Variants in INPP5D observed in about 807,000 individuals in gnomAD.
The protein encoded by INPP5D is inositol polyphosphate-5-phosphatase D, also known as phosphatidylinositol 3,4,5-trisphosphate 5-phosphatase 1.
Under a neutral mutation model 122.9 loss-of-function variants are expected in INPP5D, and 33 were observed. The ratio of observed to expected loss-of-function variants is 0.27; its 90% CI spans 0.20 to 0.36. The LOEUF is 0.36. Among genes scored for constraint, INPP5D ranks in the 10% least tolerant of loss-of-function variants. INPP5D has a pLI of 1.00. For synonymous variants in INPP5D, 584 were observed against 576.2 expected (o/e 1.01, Z -0.19); for missense variants, 1,053 against 1,412.7 (o/e 0.75, Z 4.08).
In INPP5D at chr2:233,100,355, T is replaced by C. The variant is rs1252682816; in HGVS notation, c.198+20957T>C. ...AAACAGGTTTAGTTGACTTGGTGTG[T>C]TCCCAGTGACCTCCTGCTGGTTCCC... is the stretch of plus-strand genomic sequence containing the variant. On this transcript the variant is annotated intron_variant, in intron 2 of 26. Transcript: ENST00000445964. The surrounding 1 kb of genome is among the most constrained non-coding windows in gnomAD (Gnocchi z 5.3). Among the ~76,000 whole-genome samples, 2 of 152,198 alleles carry C rather than the reference T, an allele frequency of 1.3e-5. No individual in the cohort carries two copies. The highest frequency in any genetic ancestry group is 4.8e-5 in the African/African-American group (2 of 41,450).
Position 233,098,296 on chromosome 2 carries a change from C to T in INPP5D, c.198+18898C>T, listed in dbSNP as rs545130266. On this transcript the variant is annotated intron_variant, in intron 2 of 26. Transcript: ENST00000445964. ...GGAGTGCTGGGAGATGGGCACTCACCGAATGGTGCCCAAATGGGACCAGCA... is the reference window on the plus strand; with the variant it reads ...GGAGTGCTGGGAGATGGGCACTCACTGAATGGTGCCCAAATGGGACCAGCA... Among the ~76,000 whole-genome samples the T allele has an allele frequency of 1.1e-3, 160 of 152,156 alleles. 1 individual carries two copies. The highest frequency in any genetic ancestry group is 8.4e-4 in the Non-Finnish European group (57 of 68,004).
Position 233,130,524 on chromosome 2 carries a change from C to G in INPP5D, c.541C>G (p.Leu181Val). 2 of 1,613,948 alleles carry G rather than the reference C, an allele frequency of 1.2e-6. No individual in the cohort carries two copies. Among genetic ancestry groups the G allele is most frequent in the Non-Finnish European group, 1.7e-6 (2 of 1,179,888 alleles). ...MDTSGLPEEH[L>V]KAIQDYLSTQ... ...TTTCTTTAGGCTTCCAGAAGAGCATCTTAAGGCCATCCAAGATTATTTAAG... is the reference window on the plus strand; with the variant it reads ...TTTCTTTAGGCTTCCAGAAGAGCATGTTAAGGCCATCCAAGATTATTTAAG... Residue 181 changes from leucine to valine, a missense_variant, in exon 5 of 27, where the codon CTT becomes GTT. Around this residue, in one of 6 missense-constraint regions of INPP5D, gnomAD observed 196 missense variants for 175.6 expected, o/e 1.12. Coordinates refer to ENST00000445964, the MANE Select transcript of INPP5D (RefSeq NM_001017915.3).
intron 2 of INPP5D, among the ~76,000 whole-genome samples, chr2:233,106,734 G>A (rs1692478276): frequency 6.6e-6 from 1 of 152,220 alleles, no homozygotes; most frequent in South Asian, 2.1e-4. Context: ...GCTGTCAGCT[G>A]TGACTCTAGT....
chr2:233,163,958 T>C, intron 12 of INPP5D, 55 bp downstream of exon 12: 1 of 1,587,366 alleles, frequency 6.3e-7, no homozygotes, highest in Non-Finnish European at 8.6e-7. Flanking sequence ...TTTGCTCGGC[T>C]GGGCTGTCTC....
chr2:233,077,970 G>A (rs1385977536), intron 1 of INPP5D, among the ~76,000 whole-genome samples: 1 of 152,128 alleles, frequency 6.6e-6, no homozygotes, highest in Non-Finnish European at 1.5e-5. Flanking sequence ...CTACACTGAG[G>A]CACTGGCTTC....
At position 233,128,705 on chromosome 2, in the gene INPP5D, T is replaced by A. The variant is rs1364406003; in HGVS notation, c.525-1803T>A. 6.6e-6 allele frequency among the ~76,000 whole-genome samples: 1 copy of A among 152,114 alleles called. No individual in the cohort carries two copies. The highest frequency in any genetic ancestry group is 2.4e-5 in the African/African-American group (1 of 41,420). On this transcript the variant is annotated intron_variant, in intron 4 of 26. Coordinates refer to ENST00000445964, the MANE Select transcript of INPP5D (RefSeq NM_001017915.3). The surrounding 1 kb of genome is among the most constrained non-coding windows in gnomAD (Gnocchi z 4.5). ...GTTGGCCAGGCTGGCCTTGAACTCCTGACCTCAGGTGATCTGCCCACCTCT... is the reference window on the plus strand; with the variant it reads ...GTTGGCCAGGCTGGCCTTGAACTCCAGACCTCAGGTGATCTGCCCACCTCT...
At chr2:233,089,762 T>G (rs1691943017) in intron 2 of INPP5D, among the ~76,000 whole-genome samples, 1 of 152,246 alleles carries the variant, frequency 6.6e-6, no homozygotes, top group Non-Finnish European at 1.5e-5. Flanking sequence ...ACAGCCACCC[T>G]CAAAGTCCCT....
rs1695531877 is a variant in INPP5D at position 233,207,165 on chromosome 2, A to G, written c.*457A>G. On this transcript the variant is annotated 3_prime_UTR_variant, in exon 27 of 27. Transcript: ENST00000445964. This position sits in a 1 kb window ranked among gnomAD's most constrained non-coding sequence, Gnocchi z 4.6. ...GGATGACCTCGAGAGCTGAGGCTCT[A>G]GCCACCTAAAACCACGTGCCCAAAC... The G allele has an allele frequency of 6.4e-6, 1 of 155,942 alleles. No individual in the cohort carries two copies. Among genetic ancestry groups the G allele is most frequent in the African/African-American group, 2.4e-5 (1 of 41,474 alleles). 9.7% of individuals were successfully genotyped at this position (155,942 alleles called of 1,614,324 possible).
At chr2:233,133,686 G>A (rs1693392246) in intron 5 of INPP5D, among the ~76,000 whole-genome samples, 1 of 152,204 alleles carries the variant, frequency 6.6e-6, no homozygotes, top group Non-Finnish European at 1.5e-5. Flanking sequence ...ACTGTAGGCA[G>A]GAGCCACATC....
chr2:233,098,578 C>T (rs1692214681), intron 2 of INPP5D, among the ~76,000 whole-genome samples: 1 of 152,212 alleles, frequency 6.6e-6, no homozygotes, highest in African/African-American at 2.4e-5. Context: ...TCAGGAGATA[C>T]ATGGAAGCCT....
At chr2:233,086,501 T>C (rs1473668771) in intron 2 of INPP5D, among the ~76,000 whole-genome samples, 1 of 152,078 alleles carries the variant, frequency 6.6e-6, no homozygotes, top group Non-Finnish European at 1.5e-5. Context: ...TTCCTACCTT[T>C]GGAAGCTGCC....
intron 10 of INPP5D, 117 bp downstream of exon 10, chr2:233,158,536 C>T: frequency 1.8e-6 from 1 of 543,460 alleles, no homozygotes. Context: ...CAGAACAACC[C>T]ATTTCACACC....
intron 18 of INPP5D, among the ~76,000 whole-genome samples, chr2:233,179,134 T>C (rs946278335): frequency 6.6e-6 from 1 of 151,826 alleles, no homozygotes; most frequent in African/African-American, 2.4e-5. Flanking sequence ...CACCTTTAGA[T>C]GTGTGGGAAG....
At chr2:233,131,088 T>G in intron 5 of INPP5D, 1 of 806,374 alleles carries the variant, frequency 1.2e-6, no homozygotes. Flanking sequence ...AGATTTCCAG[T>G]GATGTCAATT....
intron 14 of INPP5D, 118 bp downstream of exon 14, chr2:233,169,519 T>C (rs139644611): frequency 6.1e-6 from 9 of 1,467,154 alleles, no homozygotes; most frequent in Non-Finnish European, 8.2e-6. Context: ...GTGGATGTCC[T>C]GTGGCCTTTC....
At chr2:233,157,036 A>G (rs977234388) in intron 9 of INPP5D, among the ~76,000 whole-genome samples, 1 of 152,206 alleles carries the variant, frequency 6.6e-6, no homozygotes, top group Non-Finnish European at 1.5e-5. Context: ...TGATGGAACA[A>G]GGTTCCAGAG....
chr2:233,098,996 G>A lies in INPP5D; in HGVS notation c.198+19598G>A, dbSNP rs183843870. 4.2e-5 allele frequency among the ~76,000 whole-genome samples: 6 copies of A among 144,466 alleles called. No homozygotes were observed. The East Asian group carries it at 1.2e-3, about 29-fold the overall frequency. 94.8% of individuals were successfully genotyped at this position (144,466 alleles called of 152,430 possible). ...AGACAGAGTCTCACTCTGTCGTCCAGGCTGGAGGGCAGTGGTGCGATCTTG... is the reference window on the plus strand; with the variant it reads ...AGACAGAGTCTCACTCTGTCGTCCAAGCTGGAGGGCAGTGGTGCGATCTTG... On this transcript the variant is annotated intron_variant, in intron 2 of 26. Coordinates refer to ENST00000445964, the MANE Select transcript of INPP5D (RefSeq NM_001017915.3).
At position 233,198,078 on chromosome 2, in the gene INPP5D, C is replaced by A; in HGVS notation, c.2694-17C>A. ...GGGAAGGGACCCCTGAGATGTGACT[C>A]CATGTCCTCCCTGCAGGGCCCCTCC... On this transcript the variant is annotated splice_polypyrimidine_tract_variant and intron_variant, in intron 24 of 26. Transcript: ENST00000445964. 1 of 1,560,868 alleles carries A rather than the reference C, an allele frequency of 6.4e-7. No individual in the cohort carries two copies. Among genetic ancestry groups the A allele is most frequent in the East Asian group, 2.3e-5 (1 of 44,048 alleles).
intron 5 of INPP5D, among the ~76,000 whole-genome samples, chr2:233,137,968 TATA>T (rs1167175951): frequency 2.9e-5 from 4 of 140,108 alleles, no homozygotes; most frequent in East Asian, 2.0e-4. Context: ...TATATTATAA[TATA>T]ATGAGATTAT....
Sources: allele counts gnomAD v4.1 joint callset (sites outside exome capture counted in the v4.1 genomes callset), GRCh38; gene constraint gnomAD v4.1.1; regional missense constraint gnomAD v4.1.1; non-coding constraint Gnocchi (gnomAD v3.1); transcripts MANE v1.5; gene names NCBI Gene and HGNC (gene_info 2026-07-23, HGNC 2026-07-21).